The following ALDH1L1 variants were observed in gnomAD, a reference collection of about 807,000 sequenced individuals.
ALDH1L1 encodes the protein cytosolic 10-formyltetrahydrofolate dehydrogenase.
A neutral mutation model predicts 101.1 loss-of-function variants in ALDH1L1; 68 were observed. The ratio of observed to expected loss-of-function variants is 0.67; its 90% CI spans 0.55 to 0.82. The LOEUF is 0.82. ALDH1L1 is among the 40% of genes least tolerant of loss of function. ALDH1L1 has a pLI of 0.00. For missense variants in ALDH1L1, 1,087 were observed against 1,172.7 expected (o/e 0.93, Z 1.07); for synonymous variants, 486 against 470.8 (o/e 1.03, Z -0.42).
At position 126,137,815 on chromosome 3, in the gene ALDH1L1, A is replaced by T; in HGVS notation, c.1222T>A (p.Tyr408Asn). The T allele has an allele frequency of 6.2e-7, 1 of 1,613,740 alleles. No individual in the cohort carries two copies. The highest frequency in any genetic ancestry group is 8.5e-7 in the Non-Finnish European group (1 of 1,179,864). Residue 408 changes from tyrosine to asparagine, a missense_variant and splice_region_variant, in exon 10 of 23, where the codon TAC becomes AAC. By Grantham distance (143) the Tyr-to-Asn change is moderately radical. Coordinates refer to ENST00000393434, the MANE Select transcript of ALDH1L1 (RefSeq NM_012190.4). ...TGCAGGGAGGGCCCAGCACTCACGT[A>T]GTCAATGCTGCACTCGCCCTCCTCA... ...DDEEGECSID[Y>N]VEMAVNKRTV...
chr3:126,167,489 T>G (rs1049658592), intron 1 of ALDH1L1, among the ~76,000 whole-genome samples: 1 of 152,150 alleles, frequency 6.6e-6, no homozygotes, highest in African/African-American at 2.4e-5. Context: ...GCAAGCTAAG[T>G]AAGAATACTA....
chr3:126,119,859 A>G (rs2080043873), intron 16 of ALDH1L1, among the ~76,000 whole-genome samples: 1 of 152,258 alleles, frequency 6.6e-6, no homozygotes, highest in Non-Finnish European at 1.5e-5. Flanking sequence ...GACAGATGGC[A>G]AGTAAGCACC....
chr3:126,119,535 C>T (rs2080039116), intron 16 of ALDH1L1, among the ~76,000 whole-genome samples: 1 of 152,146 alleles, frequency 6.6e-6, no homozygotes, highest in Admixed American at 6.6e-5. Context: ...TCCACCACTC[C>T]CCTGCCTCCA....
Position 126,158,462 on chromosome 3 carries a change from G to A in ALDH1L1, c.305C>T (p.Ser102Phe). Residue 102 changes from serine (S) to phenylalanine (F), a missense_variant, in exon 3 of 23, where the codon TCC becomes TTC. Transcript: ENST00000393434. ...GAGCAGTGACGGGTGATAGATGATGGAGCCATGCCGGGGGGCACTGATTAT... is the reference window on the plus strand; with the variant it reads ...GAGCAGTGACGGGTGATAGATGATGAAGCCATGCCGGGGGGCACTGATTAT... ...MEIISAPRHGSIIYHPSLLPR... is the reference protein window; with the variant it reads ...MEIISAPRHGFIIYHPSLLPR... The A allele has an allele frequency of 6.2e-7, 1 of 1,613,594 alleles. No individual in the cohort carries two copies. Among genetic ancestry groups the A allele is most frequent in the Non-Finnish European group, 8.5e-7 (1 of 1,179,720 alleles).
At chr3:126,138,179 C>A (rs1282863242) in intron 9 of ALDH1L1, among the ~76,000 whole-genome samples, 1 of 152,116 alleles carries the variant, frequency 6.6e-6, no homozygotes, top group African/African-American at 2.4e-5. Context: ...TGACCTTGGG[C>A]AAATGACTAA....
At chr3:126,175,807 C>T (rs759085729) in intron 1 of ALDH1L1, among the ~76,000 whole-genome samples, 3 of 152,100 alleles carry the variant, frequency 2.0e-5, no homozygotes, top group African/African-American at 4.8e-5. Flanking sequence ...CCCTTTCACC[C>T]TTCCTAGTCA....
intron 5 of ALDH1L1, 125 bp from the exon 6 acceptor site, chr3:126,154,768 T>C (rs2080872629): frequency 2.5e-6 from 2 of 789,796 alleles, no homozygotes; most frequent in Non-Finnish European, 4.2e-6. Context: ...TCTTAGACAC[T>C]TGCAGGAGTC....
rs202225874 is a variant in ALDH1L1, at chr3:126,103,839, C to G, written c.2661G>C (p.Ala887=). ...TGACCCGCAGGTACTCGTTCAGAGCCGCCTCTCCTGTAAGACACCACAAAG... is the reference window on the plus strand; with the variant it reads ...TGACCCGCAGGTACTCGTTCAGAGCGGCCTCTCCTGTAAGACACCACAAAG... ...QSGFGKDLGE[A]ALNEYLRVKT... Residue 887 remains alanine (A), a synonymous_variant, in exon 23 of 23, where the codon GCG becomes GCC. Coordinates refer to ENST00000393434, the MANE Select transcript of ALDH1L1 (RefSeq NM_012190.4). The G allele has an allele frequency of 6.2e-7, 1 of 1,613,542 alleles. No homozygotes were observed. The highest frequency in any genetic ancestry group is 2.2e-5 in the East Asian group (1 of 44,876).
chr3:126,184,056 T>C (rs1486613079), upstream of ALDH1L1, among the ~76,000 whole-genome samples: 1 of 152,240 alleles, frequency 6.6e-6, no homozygotes, highest in Non-Finnish European at 1.5e-5. Context: ...ACGTAGTGAC[T>C]TCCTTTTAAC....
intron 16 of ALDH1L1, among the ~76,000 whole-genome samples, chr3:126,120,177 G>A (rs956283732): frequency 8.5e-5 from 13 of 152,240 alleles, no homozygotes; most frequent in African/African-American, 1.9e-4. Flanking sequence ...ACCTGCACAC[G>A]AATGTTTACG....
intron 12 of ALDH1L1, among the ~76,000 whole-genome samples, chr3:126,133,671 C>T (rs1576440855): frequency 6.6e-6 from 1 of 152,334 alleles, no homozygotes; most frequent in East Asian, 1.9e-4. Context: ...CACCCATGCT[C>T]CCCAGAGCCC....
At chr3:126,178,001 C>T (rs2081394201) in intron 1 of ALDH1L1, among the ~76,000 whole-genome samples, 1 of 152,096 alleles carries the variant, frequency 6.6e-6, no homozygotes, top group Non-Finnish European at 1.5e-5. Context: ...TGAGATTGTG[C>T]CACTGCACTC....
At chr3:126,167,505 A>G (rs776584764) in intron 1 of ALDH1L1, among the ~76,000 whole-genome samples, 8 of 152,178 alleles carry the variant, frequency 5.3e-5, no homozygotes, top group Non-Finnish European at 1.0e-4. Flanking sequence ...TACTATCTCT[A>G]TAAACATGTC....
chr3:126,154,439 G>T, intron 6 of ALDH1L1, 115 bp downstream of exon 6: 1 of 1,086,762 alleles, frequency 9.2e-7, no homozygotes, highest in South Asian at 1.4e-5. Context: ...AGTGGGAGTA[G>T]GGGCCAGGGC....
chr3:126,105,537 AC>A (rs1254673944), intron 22 of ALDH1L1, 188 bp downstream of exon 22: 7 of 688,952 alleles, frequency 1.0e-5, no homozygotes, highest in Non-Finnish European at 1.3e-5. Context: ...TCCCAGCACG[AC>A]CCCCCTCTGC....
intron 3 of ALDH1L1, 47 bp from the exon 4 acceptor site, chr3:126,157,555 G>T (rs1484135435): frequency 6.3e-7 from 1 of 1,593,424 alleles, no homozygotes; most frequent in Non-Finnish European, 8.6e-7. Context: ...GAAGGGCCAC[G>T]GAGGATGTCC....
intron 1 of ALDH1L1, among the ~76,000 whole-genome samples, chr3:126,170,241 G>A (rs550916573): frequency 2.0e-5 from 3 of 151,706 alleles, no homozygotes; most frequent in South Asian, 2.1e-4. Context: ...TGACACCCTC[G>A]CGGGAACTGC....
At chr3:126,111,289 A>G (rs1184681223) in intron 19 of ALDH1L1, among the ~76,000 whole-genome samples, 2 of 152,270 alleles carry the variant, frequency 1.3e-5, no homozygotes, top group Non-Finnish European at 2.9e-5. Context: ...GTGCATTTCA[A>G]GAGGCCTCTC....
intron 13 of ALDH1L1, 46 bp from the exon 14 acceptor site, chr3:126,130,339 C>T (rs2080276736): frequency 1.3e-6 from 2 of 1,519,554 alleles, no homozygotes. Context: ...AGGGTCCACA[C>T]CCCTTCCCCT....
Sources: gnomAD v4.1 joint callset for allele counts (sites outside exome capture counted in the v4.1 genomes callset) on GRCh38, gnomAD v4.1.1 for gene constraint, MANE v1.5 for transcripts, NCBI Gene and HGNC (gene_info 2026-07-23, HGNC 2026-07-21) for gene names.